Variants in CPNE2 observed in about 807,000 individuals in gnomAD.
CPNE2 encodes copine-2.
Under a neutral mutation model 69.7 loss-of-function variants are expected in CPNE2, and 42 were observed. That is an observed-to-expected ratio of 0.60 (90% CI 0.47 to 0.78). CPNE2 has a LOEUF of 0.78. Ranked by LOEUF, CPNE2 falls within the 30% of genes least tolerant of loss-of-function variation. The pLI is 0.00. For missense variants in CPNE2, 587 were observed against 732.0 expected, an observed-to-expected ratio of 0.80 and a Z score of 2.29; for synonymous variants, 294 against 289.8, an observed-to-expected ratio of 1.01 and a Z score of -0.15.
chr16:57,101,964 T>TG (rs2069617047), intron 1 of CPNE2, among the ~76,000 whole-genome samples: 1 of 151,552 alleles, frequency 6.6e-6, no homozygotes, highest in Non-Finnish European at 1.5e-5. Context: ...TTTTTTTTTT[T>TG]GAGACAGGGT....
In CPNE2 at chr16:57,125,984, A is replaced by C. The variant is rs1168852761; in HGVS notation, c.1052A>C (p.Asp351Ala). Residue 351 changes from aspartate (D) to alanine (A), a missense_variant, in exon 11 of 16, where the codon GAC becomes GCC. By Grantham distance (126) the Asp-to-Ala change is moderately radical. Transcript: ENST00000290776. Reference protein sequence around the residue: ...AIWAVGQIIQDYDSDKMFPAL... With the variant: ...AIWAVGQIIQAYDSDKMFPAL... The stretch of plus-strand genomic sequence containing the variant: ...TGGGCTGTTGGGCAGATCATTCAGG[A>C]CTACGACAGGTAAGGTTGGAGAGGG... 6.2e-7 allele frequency: 1 copy of C among 1,614,144 alleles called. No individual in the cohort carries two copies. Among genetic ancestry groups the C allele is most frequent in the Non-Finnish European group, 8.5e-7 (1 of 1,180,032 alleles).
chr16:57,118,619 C>A (rs1213325550), intron 5 of CPNE2, among the ~76,000 whole-genome samples: 3 of 151,490 alleles, frequency 2.0e-5, no homozygotes, highest in Non-Finnish European at 1.5e-5. Context: ...GATTTTGAGA[C>A]CAGCCTGGGC....
At chr16:57,107,787 C>G (rs1177773091) in intron 1 of CPNE2, among the ~76,000 whole-genome samples, 2 of 152,144 alleles carry the variant, frequency 1.3e-5, no homozygotes, top group African/African-American at 4.8e-5. Context: ...CCTGCAGGTC[C>G]TGGCCACTCT....
intron 1 of CPNE2, among the ~76,000 whole-genome samples, chr16:57,094,276 T>A (rs1245893223): frequency 6.6e-6 from 1 of 152,070 alleles, no homozygotes; most frequent in African/African-American, 2.4e-5. Context: ...TGAGGCAAAC[T>A]GTGACATGAT....
intron 10 of CPNE2, 119 bp downstream of exon 10, chr16:57,123,592 G>C (rs138215255): frequency 8.3e-6 from 9 of 1,083,230 alleles, no homozygotes; most frequent in Middle Eastern, 2.6e-4. Context: ...GGACTTCCCT[G>C]GGGCAAAGAG....
intron 2 of CPNE2, among the ~76,000 whole-genome samples, chr16:57,112,456 A>C (rs1243782202): frequency 6.7e-6 from 1 of 149,190 alleles, no homozygotes; most frequent in Non-Finnish European, 1.5e-5. Context: ...CAGGCCAGCC[A>C]CCCTGGCTAA....
At chr16:57,099,739 T>A (rs916517644) in intron 1 of CPNE2, among the ~76,000 whole-genome samples, 23 of 151,506 alleles carry the variant, frequency 1.5e-4, no homozygotes, top group African/African-American at 5.3e-4. Context: ...GTAGCTGGGA[T>A]TACAGGCATC....
At chr16:57,099,161 A>C (rs2069597365) in intron 1 of CPNE2, among the ~76,000 whole-genome samples, 1 of 152,024 alleles carries the variant, frequency 6.6e-6, no homozygotes, top group Non-Finnish European at 1.5e-5. Context: ...AGCAGCATAG[A>C]TTTGTTTTGT....
chr16:57,135,998 G>C (rs1397821471), intron 13 of CPNE2, among the ~76,000 whole-genome samples: 1 of 145,146 alleles, frequency 6.9e-6, no homozygotes, highest in Non-Finnish European at 1.5e-5. Context: ...GAGGAAGGAA[G>C]GAAGGAAAGG....
Position 57,121,059 on chromosome 16 carries a change from C to T in CPNE2, c.682-34C>T, listed in dbSNP as rs1385028323. On this transcript the variant is annotated intron_variant, in intron 7 of 15. Coordinates refer to ENST00000290776, the MANE Select transcript of CPNE2 (RefSeq NM_152727.6). ...GGGCTGGAGAGCACCTCTTGGGGGACAGCTCTGGGGTGACCGTGCTGAACC... is the reference window on the plus strand; with the variant it reads ...GGGCTGGAGAGCACCTCTTGGGGGATAGCTCTGGGGTGACCGTGCTGAACC... 8 of 1,544,478 alleles carry T rather than the reference C, an allele frequency of 5.2e-6. No homozygotes were observed. The East Asian group carries it at 6.8e-5, about 13-fold the overall frequency.
chr16:57,146,701 C>T lies in CPNE2; in HGVS notation c.1539+380C>T, dbSNP rs1281309722. On this transcript the variant is annotated intron_variant, in intron 15 of 15. Coordinates refer to ENST00000290776, the MANE Select transcript of CPNE2 (RefSeq NM_152727.6). The surrounding 1 kb of genome is among the most constrained non-coding windows in gnomAD (Gnocchi z 4.4). ...CTGATCATCACGCCCCAGCAAGCCC[C>T]CTCATTTTGTAGACGGAAAACAAGG... 1.0e-5 allele frequency: 2 copies of T among 193,238 alleles called. No individual in the cohort carries two copies. Among genetic ancestry groups the T allele is most frequent in the Non-Finnish European group, 2.1e-5 (2 of 93,242 alleles). 12.0% of individuals were successfully genotyped at this position (193,238 alleles called of 1,614,324 possible). A position where few individuals can be genotyped will look rare whatever the true frequency, so the allele number is the denominator to read the frequency against.
At chr16:57,127,797 G>A (rs1405270133) in intron 11 of CPNE2, 52 bp from the exon 12 acceptor site, 21 of 1,580,350 alleles carry the variant, frequency 1.3e-5, no homozygotes, top group East Asian at 4.5e-5. Flanking sequence ...GCAGAGGGTC[G>A]GGTGGTGTCC....
At chr16:57,134,089 C>T (rs764126185) in intron 12 of CPNE2, among the ~76,000 whole-genome samples, 15 of 152,208 alleles carry the variant, frequency 9.9e-5, no homozygotes, top group Non-Finnish European at 1.2e-4. Context: ...GCCATGCGAG[C>T]AGCAGCAGCC....
chr16:57,110,625 A>T, intron 1 of CPNE2, 83 bp from the exon 2 acceptor site: 1 of 888,856 alleles, frequency 1.1e-6, no homozygotes. Flanking sequence ...CACCTCTTAA[A>T]GGCCAGGTGG....
At chr16:57,113,024 T>G in intron 2 of CPNE2, 1 of 375,990 alleles carries the variant, frequency 2.7e-6, no homozygotes, top group East Asian at 5.5e-5. Context: ...GGCCAAAGAA[T>G]TAAGAGTGTG....
intron 11 of CPNE2, among the ~76,000 whole-genome samples, chr16:57,127,541 C>A (rs2069809021): frequency 6.6e-6 from 1 of 152,154 alleles, no homozygotes; most frequent in African/African-American, 2.4e-5. Flanking sequence ...ACCTCCTGAC[C>A]TTGGTTTAGT....
chr16:57,128,807 G>C (rs2069818298), intron 12 of CPNE2, among the ~76,000 whole-genome samples: 1 of 152,192 alleles, frequency 6.6e-6, no homozygotes, highest in Non-Finnish European at 1.5e-5. Context: ...CTGTGTGTCT[G>C]TTCTGTGTGC....
Position 57,146,356 on chromosome 16 carries a change from C to G in CPNE2, c.1539+35C>G, listed in dbSNP as rs1274727951. 1 of 1,493,714 alleles carries G rather than the reference C, an allele frequency of 6.7e-7. No homozygotes were observed. Among genetic ancestry groups the G allele is most frequent in the Non-Finnish European group, 9.1e-7 (1 of 1,103,990 alleles). The allele number at this position is 1,493,714 out of a possible 1,614,324, so 92.5% of individuals were successfully genotyped here. On this transcript the variant is annotated intron_variant, in intron 15 of 15. Coordinates refer to ENST00000290776, the MANE Select transcript of CPNE2 (RefSeq NM_152727.6). The surrounding 1 kb of genome is among the most constrained non-coding windows in gnomAD (Gnocchi z 4.4). The stretch of plus-strand genomic sequence containing the variant: ...GGCCTGGGCTGGGAGGGGGCGGTTA[C>G]AGGATCCCAGCCACCATAGCTCATA...
chr16:57,102,861 C>G (rs62037304), intron 1 of CPNE2, among the ~76,000 whole-genome samples: 2,000 of 152,254 alleles, frequency 0.013, 24 homozygotes, highest in Middle Eastern at 0.024. Context: ...CTCAGCCTCC[C>G]CAAGTGCTGG....
Sources: gnomAD v4.1 joint callset for allele counts (sites outside exome capture counted in the v4.1 genomes callset) on GRCh38, gnomAD v4.1.1 for gene constraint, Gnocchi (gnomAD v3.1) non-coding constraint, MANE v1.5 for transcripts, NCBI Gene and HGNC (gene_info 2026-07-23, HGNC 2026-07-21) for gene names.